The following CAGE1 variants were observed in gnomAD, a reference collection of about 807,000 sequenced individuals.
CAGE1 encodes the protein cancer antigen 1.
Under a neutral mutation model 94.9 loss-of-function variants are expected in CAGE1, and 66 were observed. That is an observed-to-expected ratio of 0.70 (90% CI 0.57 to 0.85). CAGE1 has a LOEUF of 0.85. CAGE1 is among the 40% of genes least tolerant of loss of function. CAGE1 has a pLI of 0.00. For missense variants in CAGE1, 865 were observed against 950.4 expected, an observed-to-expected ratio of 0.91 and a Z score of 1.18; for synonymous variants, 319 against 321.0, an observed-to-expected ratio of 0.99 and a Z score of 0.07.
intron 11 of CAGE1, chr6:7,340,726 T>G: frequency 4.1e-6 from 1 of 242,838 alleles, no homozygotes; most frequent in Non-Finnish European, 8.0e-6. Flanking sequence ...ACCCCAGGCT[T>G]CTGGACCAGG....
rs776086200 is a variant in CAGE1 at position 7,374,020 on chromosome 6, T to C, written c.799A>G (p.Thr267Ala). The C allele has an allele frequency of 3.1e-6, 5 of 1,614,034 alleles. No individual in the cohort carries two copies. The highest frequency in any genetic ancestry group is 4.2e-6 in the Non-Finnish European group (5 of 1,179,882). The change falls in exon 5 of 14, where the codon ACT becomes GCT. Residue 267 changes from threonine (T) to alanine (A), a missense_variant. Physicochemically the swap from Thr to Ala is moderately conservative, Grantham distance 58. Coordinates refer to ENST00000502583, the MANE Select transcript of CAGE1 (RefSeq NM_001170692.2). ...EGVERPEIVS[T>A]WSSAGISWRS... is the part of the protein sequence containing the mutation. ...CAGGAAATGCCTGCCGAAGACCAAG[T>C]TGAGACAATTTCTGGCCTCTCCACA...
chr6:7,389,472 G>C lies in CAGE1; in HGVS notation c.-294C>G, dbSNP rs1274263809. ...GCCCGCGCCGGGGGAACTCCGCAGAGACAGGTGCAGCCCGCGAGGCCCGAG... is the reference window on the plus strand; with the variant it reads ...GCCCGCGCCGGGGGAACTCCGCAGACACAGGTGCAGCCCGCGAGGCCCGAG... On this transcript the variant is annotated 5_prime_UTR_variant, in exon 1 of 14. Transcript: ENST00000502583. 2.6e-6 allele frequency: 1 copy of C among 391,684 alleles called. No individual in the cohort carries two copies. The highest frequency in any genetic ancestry group is 5.1e-6 in the Non-Finnish European group (1 of 196,824). 24.3% of individuals were successfully genotyped at this position (391,684 alleles called of 1,614,324 possible).
At chr6:7,353,546 T>C (rs1262547035) in intron 11 of CAGE1, among the ~76,000 whole-genome samples, 4 of 152,104 alleles carry the variant, frequency 2.6e-5, no homozygotes, top group Admixed American at 2.6e-4. Flanking sequence ...CAATACTGGG[T>C]ATCTACCCAG....
In CAGE1 at chr6:7,339,545, C is replaced by A; in HGVS notation, c.2370-5455G>T. 1 of 783,480 alleles carries A rather than the reference C, an allele frequency of 1.3e-6. No individual in the cohort carries two copies. Among genetic ancestry groups the A allele is most frequent in the Non-Finnish European group, 2.4e-6 (1 of 423,808 alleles). The allele number at this position is 783,480 out of a possible 1,614,324, so 48.5% of individuals were successfully genotyped here. ...AGATGCCATCAGTGACAAACTTCCT[C>A]TTCTTGGAAATTTGTAAGGCGATCT... On this transcript the variant is annotated intron_variant, in intron 11 of 13. Transcript: ENST00000502583. The surrounding 1 kb of genome is among the most constrained non-coding windows in gnomAD (Gnocchi z 4.7).
At chr6:7,344,764 G>T (rs546276077) in intron 11 of CAGE1, among the ~76,000 whole-genome samples, 39 of 152,306 alleles carry the variant, frequency 2.6e-4, no homozygotes, top group African/African-American at 8.9e-4. Flanking sequence ...CTAGCTCAAG[G>T]TTTGTAAACA....
chr6:7,356,246 G>A (rs992122580), intron 9 of CAGE1, 117 bp from the exon 10 acceptor site: 5 of 639,184 alleles, frequency 7.8e-6, no homozygotes, highest in Admixed American at 5.3e-5. Flanking sequence ...CTTCTAAACC[G>A]AGCTGTACCG....
Position 7,339,310 on chromosome 6 carries a change from A to C in CAGE1, c.2370-5220T>G, listed in dbSNP as rs1045813578. The C allele has an allele frequency of 6.3e-7, 1 of 1,585,428 alleles. No individual in the cohort carries two copies. The highest frequency in any genetic ancestry group is 8.7e-7 in the Non-Finnish European group (1 of 1,154,682). On this transcript the variant is annotated intron_variant, in intron 11 of 13. Coordinates refer to ENST00000502583, the MANE Select transcript of CAGE1 (RefSeq NM_001170692.2). This position sits in a 1 kb window ranked among gnomAD's most constrained non-coding sequence, Gnocchi z 4.7. ...CCCCTAGTGGCCACCTCTTCAGCAT[A>C]AAGCTCTACACTGCCCTCTGGAGAG...
chr6:7,339,575 G>A lies in CAGE1; in HGVS notation c.2370-5485C>T, dbSNP rs574404856. ...TGGAAATTTGTAAGGCGATCTTGCC[G>A]CCATGCTCCGCTGAAAGGAAAGGCA... is the stretch of plus-strand genomic sequence containing the variant. On this transcript the variant is annotated intron_variant, in intron 11 of 13. Transcript: ENST00000502583. The surrounding 1 kb of genome is among the most constrained non-coding windows in gnomAD (Gnocchi z 4.7). 5.6e-5 allele frequency: 42 copies of A among 752,012 alleles called. No individual in the cohort carries two copies. Among genetic ancestry groups the A allele is most frequent in the South Asian group, 1.7e-4 (12 of 71,254 alleles). The allele number at this position is 752,012 out of a possible 1,614,324, so 46.6% of individuals were successfully genotyped here.
intron 11 of CAGE1, chr6:7,340,773 T>A (rs1759136973): frequency 2.8e-6 from 1 of 354,776 alleles, no homozygotes; most frequent in Non-Finnish European, 5.4e-6. Context: ...AGTGATGGGC[T>A]AGAGCTACTC....
intron 8 of CAGE1, 60 bp downstream of exon 8, chr6:7,365,744 A>G: frequency 7.4e-7 from 1 of 1,344,166 alleles, no homozygotes; most frequent in Non-Finnish European, 1.0e-6. Flanking sequence ...AAAAGAACAT[A>G]AATACCTGAA....
At chr6:7,355,385 A>G (rs1416616720) in intron 10 of CAGE1, among the ~76,000 whole-genome samples, 5 of 152,224 alleles carry the variant, frequency 3.3e-5, no homozygotes, top group African/African-American at 7.2e-5. Flanking sequence ...TGTATGCATC[A>G]ACTAGGGATT....
chr6:7,359,233 G>T lies in CAGE1; in HGVS notation c.2194-3104C>A, dbSNP rs181039596. ...GGCTAATTTTGTATTTTTTAGTAGA[G>T]ATGGGATTTCACCATGTTGGTCAGG... is the stretch of plus-strand genomic sequence containing the variant. On this transcript the variant is annotated intron_variant, in intron 9 of 13. Transcript: ENST00000502583. Among the ~76,000 whole-genome samples the T allele has an allele frequency of 4.3e-3, 650 of 152,278 alleles. 3 individuals carry two copies. The highest frequency in any genetic ancestry group is 0.015 in the African/African-American group (625 of 41,550).
At chr6:7,329,708 G>A (rs1758678535) in intron 13 of CAGE1, 141 bp downstream of exon 13, 2 of 545,646 alleles carry the variant, frequency 3.7e-6, no homozygotes, top group South Asian at 2.7e-5. Flanking sequence ...GGAGACGGAA[G>A]AGCCCTCATC....
intron 4 of CAGE1, among the ~76,000 whole-genome samples, chr6:7,375,136 T>G (rs1427944896): frequency 6.6e-6 from 1 of 151,144 alleles, no homozygotes; most frequent in Non-Finnish European, 1.5e-5. Flanking sequence ...CAGGGCCGGG[T>G]GCAGTGGCTC....
At chr6:7,333,626 CTAT>C (rs1561846006) in intron 12 of CAGE1, among the ~76,000 whole-genome samples, 29 of 58,258 alleles carry the variant, frequency 5.0e-4, no homozygotes, top group African/African-American at 3.0e-3. Flanking sequence ...TATTATCTAA[CTAT>C]CTATCTAACT....
chr6:7,365,374 G>T, intron 9 of CAGE1, 94 bp downstream of exon 9: 1 of 970,134 alleles, frequency 1.0e-6, no homozygotes, highest in South Asian at 1.6e-5. Flanking sequence ...CTTTTTATAA[G>T]CCAGTTTTTT....
chr6:7,345,345 A>C (rs914191664), intron 11 of CAGE1, among the ~76,000 whole-genome samples: 1 of 144,976 alleles, frequency 6.9e-6, no homozygotes, highest in Admixed American at 6.9e-5. Context: ...AGCAGGATGA[A>C]AGAAACTCTG....
chr6:7,387,072 A>G lies in CAGE1; in HGVS notation c.102T>C (p.Asp34=). 1.3e-6 allele frequency: 2 copies of G among 1,551,738 alleles called. No homozygotes were observed. The highest frequency in any genetic ancestry group is 1.7e-6 in the Non-Finnish European group (2 of 1,146,870). Residue 34 remains aspartate, a synonymous_variant, in exon 2 of 14, where the codon GAT becomes GAC. Transcript: ENST00000502583. ...HEKVESMSES[D]TMNVSNLSQG... ...GAGAAAGATTGCTGACATTCATGGT[A>G]TCCGATTCTGACATGCTTTCTACTT...
At position 7,328,927 on chromosome 6, in the gene CAGE1, TA is replaced by T. The variant is rs1295668439; in HGVS notation, c.2478+921del. 3.2e-4 allele frequency among the ~76,000 whole-genome samples: 33 copies of T among 103,474 alleles called. 2 individuals carry two copies. The highest frequency in any genetic ancestry group is 1.0e-3 in the East Asian group (2 of 1,920). The allele number at this position is 103,474 out of a possible 152,430, so 67.9% of individuals were successfully genotyped here. A position where few individuals can be genotyped will look rare whatever the true frequency, so the allele number is the denominator to read the frequency against. ...GTGTGTGTGTGTGTGTGTATATATA[TA>T]TATATATTTTTTTTTTTTTTTGAGA... On this transcript the variant is annotated intron_variant, in intron 13 of 13. Transcript: ENST00000502583.
Sources: allele counts gnomAD v4.1 joint callset (sites outside exome capture counted in the v4.1 genomes callset), GRCh38; gene constraint gnomAD v4.1.1; non-coding constraint Gnocchi (gnomAD v3.1); transcripts MANE v1.5; gene names NCBI Gene and HGNC (gene_info 2026-07-23, HGNC 2026-07-21).